The following PIK3C2A variants were observed in gnomAD, a reference collection of about 807,000 sequenced individuals.
The protein encoded by PIK3C2A is phosphatidylinositol-4-phosphate 3-kinase catalytic subunit type 2 alpha.
Under a neutral mutation model 204.5 loss-of-function variants are expected in PIK3C2A, and 97 were observed. That is an observed-to-expected ratio of 0.47 (90% CI 0.40 to 0.56). The LOEUF is 0.56. Ranked by LOEUF, PIK3C2A falls within the 20% of genes least tolerant of loss-of-function variation. The probability of loss-of-function intolerance (pLI) is 0.00; values close to 1 mark genes in which losing one functional copy is unlikely to be tolerated. For missense variants in PIK3C2A, 1,735 were observed against 1,969.2 expected (o/e 0.88, Z 2.25); for synonymous variants, 653 against 664.4 (o/e 0.98, Z 0.26).
At chr11:17,165,155 C>T (rs1850904849) in intron 2 of PIK3C2A, among the ~76,000 whole-genome samples, 1 of 152,110 alleles carries the variant, frequency 6.6e-6, no homozygotes, top group Admixed American at 6.6e-5. Context: ...TCCCAGGGTA[C>T]TCTATTTTCA....
chr11:17,169,135 C>A lies in PIK3C2A; in HGVS notation c.607G>T (p.Ala203Ser). 1 of 1,614,068 alleles carries A rather than the reference C, an allele frequency of 6.2e-7. No homozygotes were observed. Among genetic ancestry groups the A allele is most frequent in the Middle Eastern group, 1.6e-4 (1 of 6,062 alleles). Residue 203 changes from alanine (A) to serine (S), a missense_variant, in exon 2 of 33, where the codon GCC becomes TCC. Coordinates refer to ENST00000691414, the MANE Select transcript of PIK3C2A (RefSeq NM_002645.4). ...SPYFSYPLTP[A>S]TPFHPQGSLP... Reference sequence around the variant, plus strand: ...CTTCCTTGTGGATGAAAGGGTGTGGCAGGTGTCAAAGGATATGAGAAATAT... The same window carrying A: ...CTTCCTTGTGGATGAAAGGGTGTGGAAGGTGTCAAAGGATATGAGAAATAT...
Position 17,102,867 on chromosome 11 carries a change from A to G in PIK3C2A, c.3682-36T>C, listed in dbSNP as rs576431807. 5.1e-5 allele frequency: 71 copies of G among 1,386,906 alleles called. No individual in the cohort carries two copies. In the East Asian group the frequency reaches 1.5e-3, roughly 29 times the overall value. The allele number at this position is 1,386,906 out of a possible 1,614,324, so 85.9% of individuals were successfully genotyped here. A position where few individuals can be genotyped will look rare whatever the true frequency, so the allele number is the denominator to read the frequency against. On this transcript the variant is annotated intron_variant, in intron 23 of 32. Coordinates refer to ENST00000691414, the MANE Select transcript of PIK3C2A (RefSeq NM_002645.4). ...CATACACAATTATTTTAGAAAATGA[A>G]TTATTTTTAAAAGAGGCAGAGTTTA...
chr11:17,114,928 T>C (rs2137324950), intron 19 of PIK3C2A, among the ~76,000 whole-genome samples: 1 of 152,278 alleles, frequency 6.6e-6, no homozygotes, highest in Middle Eastern at 3.4e-3. Context: ...CTGAAAGAAA[T>C]ACTAGCAAAG....
chr11:17,150,456 C>T (rs763682179), intron 4 of PIK3C2A, 42 bp downstream of exon 4: 1 of 1,508,936 alleles, frequency 6.6e-7, no homozygotes, highest in Admixed American at 2.3e-5. Flanking sequence ...ACATTTCCCC[C>T]TAACAGAGCA....
At chr11:17,158,930 C>G (rs1850693232) in intron 2 of PIK3C2A, among the ~76,000 whole-genome samples, 1 of 152,104 alleles carries the variant, frequency 6.6e-6, no homozygotes, top group African/African-American at 2.4e-5. Flanking sequence ...ATAATAGAAT[C>G]TGGAAAGTTA....
At position 17,142,869 on chromosome 11, in the gene PIK3C2A, T is replaced by C. The variant is rs564149730; in HGVS notation, c.1704+2799A>G. On this transcript the variant is annotated intron_variant, in intron 8 of 32. Coordinates refer to ENST00000691414, the MANE Select transcript of PIK3C2A (RefSeq NM_002645.4). ...ATATAAGAGAATGGGAAGAAAGGAA[T>C]TGGAAGCTGTAAAACCACTTAACTT... 2.1e-4 allele frequency among the ~76,000 whole-genome samples: 32 copies of C among 152,090 alleles called. No homozygotes were observed. The East Asian group carries it at 4.4e-3, about 21-fold the overall frequency.
chr11:17,190,100 T>C (rs1591016527), intron 1 of PIK3C2A, among the ~76,000 whole-genome samples: 1 of 151,786 alleles, frequency 6.6e-6, no homozygotes. Context: ...CCATCTCTAC[T>C]AAAAATACAA....
At chr11:17,122,603 A>G in intron 14 of PIK3C2A, 99 bp downstream of exon 14, 1 of 676,132 alleles carries the variant, frequency 1.5e-6, no homozygotes, top group Non-Finnish European at 2.6e-6. Flanking sequence ...AAACAAGATC[A>G]GTTAGGTTTC....
Position 17,169,078 on chromosome 11 carries a change from C to T in PIK3C2A, c.664G>A (p.Asp222Asn). The change falls in exon 2 of 33, where the codon GAC becomes AAC. Residue 222 changes from aspartate to asparagine, a missense_variant. Coordinates refer to ENST00000691414, the MANE Select transcript of PIK3C2A (RefSeq NM_002645.4). ...LPIYRPVVST[D>N]MAKLFDKIAS... is the part of the protein sequence containing the mutation. ...ATTTTGTCAAATAGTTTTGCCATGT[C>T]AGTACTGACTACTGGACGATAGATA... 6.2e-7 allele frequency: 1 copy of T among 1,614,142 alleles called. No individual in the cohort carries two copies. Among genetic ancestry groups the T allele is most frequent in the Non-Finnish European group, 8.5e-7 (1 of 1,180,024 alleles).
intron 12 of PIK3C2A, among the ~76,000 whole-genome samples, chr11:17,130,217 A>T (rs78770151): frequency 6.6e-6 from 1 of 152,040 alleles, no homozygotes. Context: ...CCCTCCCATG[A>T]AAAAAAGAAA....
At chr11:17,180,529 A>AC (rs1491508358) in intron 1 of PIK3C2A, among the ~76,000 whole-genome samples, 963 of 86,346 alleles carry the variant, frequency 0.011, 6 homozygotes, top group African/African-American at 0.03. Flanking sequence ...AACAAAAAAC[A>AC]AAAAAAAAAA....
chr11:17,203,602 G>A (rs1852460623), intron 1 of PIK3C2A, among the ~76,000 whole-genome samples: 1 of 152,096 alleles, frequency 6.6e-6, no homozygotes, highest in South Asian at 2.1e-4. Flanking sequence ...AATTACCAGT[G>A]ATAATTTTCT....
Position 17,117,561 on chromosome 11 carries a change from T to G in PIK3C2A, c.3146A>C (p.Gln1049Pro). 4 of 1,614,042 alleles carry G rather than the reference T, an allele frequency of 2.5e-6. No homozygotes were observed. The highest frequency in any genetic ancestry group is 3.4e-6 in the Non-Finnish European group (4 of 1,179,900). The change falls in exon 19 of 33, where the codon CAG becomes CCG. Residue 1049 changes from glutamine (Q) to proline (P), a missense_variant. Physicochemically the swap from Gln to Pro is moderately conservative, Grantham distance 76. Coordinates refer to ENST00000691414, the MANE Select transcript of PIK3C2A (RefSeq NM_002645.4). ...TCCTAAAAGCTGTACAAGTTTCGTC[T>G]GTTTTAGAAGTTCTTCTCTAAGTCG... is the stretch of plus-strand genomic sequence containing the variant. ...GKRLREELLK[Q>P]TKLVQLLGGV... is the part of the protein sequence containing the mutation.
Position 17,102,730 on chromosome 11 carries a change from C to T in PIK3C2A, c.3783G>A (p.Thr1261=), listed in dbSNP as rs148217284. 2.2e-4 allele frequency: 357 copies of T among 1,613,792 alleles called. 2 individuals carry two copies. The African/African-American group carries it at 3.9e-3, about 17-fold the overall frequency. Residue 1261 remains threonine, a synonymous_variant, in exon 24 of 33, where the codon ACG becomes ACA. Coordinates refer to ENST00000691414, the MANE Select transcript of PIK3C2A (RefSeq NM_002645.4). The stretch of plus-strand genomic sequence containing the variant: ...CAAAGTCAATGTGAAACATGTGTCC[C>T]GTGCTTCGAAGCATTATATTGTCAT... ...RHNDNIMLRS[T]GHMFHIDFGK...
chr11:17,110,422 A>T lies in PIK3C2A; in HGVS notation c.3544+10T>A, dbSNP rs765348278. 1 of 1,605,886 alleles carries T rather than the reference A, an allele frequency of 6.2e-7. No homozygotes were observed. The highest frequency in any genetic ancestry group is 8.5e-7 in the Non-Finnish European group (1 of 1,176,912). ...AAAATAAGACATCAAGACACAGCTA[A>T]TAAACTTACCTCGATCTCTGCCAGT... is the stretch of plus-strand genomic sequence containing the variant. On this transcript the variant is annotated intron_variant, in intron 22 of 32. Coordinates refer to ENST00000691414, the MANE Select transcript of PIK3C2A (RefSeq NM_002645.4).
At position 17,089,732 on chromosome 11, in the gene PIK3C2A, A is replaced by C. The variant is rs760034166; in HGVS notation, c.*6T>G. The C allele has an allele frequency of 1.2e-6, 2 of 1,601,402 alleles. No individual in the cohort carries two copies. Among genetic ancestry groups the C allele is most frequent in the Middle Eastern group, 1.7e-4 (1 of 6,042 alleles). ...TCATGCTTCCAAAGCTCAAACATTC[A>C]CTAGTTTACAAGTATGTTGCCGCAG... is the stretch of plus-strand genomic sequence containing the variant. On this transcript the variant is annotated 3_prime_UTR_variant, in exon 33 of 33. Transcript: ENST00000691414.
intron 8 of PIK3C2A, among the ~76,000 whole-genome samples, chr11:17,143,852 A>G (rs1303936434): frequency 6.6e-6 from 1 of 152,076 alleles, no homozygotes; most frequent in Non-Finnish European, 1.5e-5. Context: ...TGGGAGAATC[A>G]CCTGAACCCA....
intron 2 of PIK3C2A, among the ~76,000 whole-genome samples, chr11:17,156,775 C>G (rs528019780): frequency 6.6e-5 from 10 of 152,258 alleles, no homozygotes; most frequent in Middle Eastern, 3.4e-3. Flanking sequence ...AAAATAAATA[C>G]TTCGAGTGCT....
intron 1 of PIK3C2A, among the ~76,000 whole-genome samples, chr11:17,185,998 G>A (rs12796879): frequency 0.069 from 10,466 of 152,044 alleles, 620 homozygotes; most frequent in Non-Finnish European, 0.1. Context: ...CTTTACAATG[G>A]CCCACCAGGC....
Sources: allele counts gnomAD v4.1 joint callset (sites outside exome capture counted in the v4.1 genomes callset), GRCh38; gene constraint gnomAD v4.1.1; transcripts MANE v1.5; gene names NCBI Gene and HGNC (gene_info 2026-07-23, HGNC 2026-07-21).